FBXO34: variants seen among roughly 807,000 people sequenced by gnomAD.
The protein encoded by FBXO34 is F-box only protein 34.
A neutral mutation model predicts 24.5 loss-of-function variants in FBXO34; 12 were observed. The observed-to-expected ratio is 0.49, with a 90% confidence interval of 0.31 to 0.79. The LOEUF is 0.79. Among genes scored for constraint, FBXO34 ranks in the 30% least tolerant of loss-of-function variants. The probability of loss-of-function intolerance (pLI) is 0.04; values close to 1 mark genes in which losing one functional copy is unlikely to be tolerated. For missense variants in FBXO34, 823 were observed against 857.7 expected, an observed-to-expected ratio of 0.96 and a Z score of 0.51; for synonymous variants, 320 against 311.9, an observed-to-expected ratio of 1.03 and a Z score of -0.27.
chr14:55,434,215 A>C, the FBXO34 span, among the ~76,000 whole-genome samples: 135 of 152,348 alleles, frequency 8.9e-4, no homozygotes, highest in Non-Finnish European at 1.2e-3. Context: ...AATGCAGAAG[A>C]GTCTGTATGA....
At chr14:55,284,877 A>G (rs1881704755) in intron 1 of FBXO34, among the ~76,000 whole-genome samples, 1 of 149,770 alleles carries the variant, frequency 6.7e-6, no homozygotes, top group Non-Finnish European at 1.5e-5. Context: ...CAGCCTCCCA[A>G]AATGCTGTGA....
At chr14:55,421,675 C>T in the FBXO34 span, among the ~76,000 whole-genome samples, 1 of 152,154 alleles carries the variant, frequency 6.6e-6, no homozygotes, top group African/African-American at 2.4e-5. Flanking sequence ...GTTGGCAAGG[C>T]TGGTCTTGAA....
chr14:55,288,634 T>G (rs1361409879), intron 1 of FBXO34, among the ~76,000 whole-genome samples: 1 of 152,252 alleles, frequency 6.6e-6, no homozygotes, highest in African/African-American at 2.4e-5. Flanking sequence ...ACTGTACTCC[T>G]CTAGCAAGAA....
At chr14:55,385,921 T>A in the FBXO34 span, 2 of 1,614,198 alleles carry the variant, frequency 1.2e-6, no homozygotes, top group Admixed American at 3.3e-5. Flanking sequence ...ATATATGGGA[T>A]CGTCGAAGAT....
the FBXO34 span, chr14:55,440,555 T>TG: frequency 2.8e-5 from 45 of 1,583,302 alleles, no homozygotes; most frequent in East Asian, 4.7e-4. Context: ...TTTATGAGCC[T>TG]GGGGGCAGCG....
the FBXO34 span, among the ~76,000 whole-genome samples, chr14:55,401,788 G>C: frequency 6.6e-6 from 1 of 152,126 alleles, no homozygotes; most frequent in Admixed American, 6.6e-5. Flanking sequence ...ACCCAGCTCG[G>C]GCTTCAGAGG....
intron 1 of FBXO34, among the ~76,000 whole-genome samples, chr14:55,327,429 G>T (rs1034062092): frequency 1.3e-5 from 2 of 152,206 alleles, no homozygotes; most frequent in African/African-American, 4.8e-5. Context: ...CAAAGTGCAG[G>T]TGAGAAATGG....
At chr14:55,322,586 T>C (rs1883177893) in intron 1 of FBXO34, among the ~76,000 whole-genome samples, 1 of 152,122 alleles carries the variant, frequency 6.6e-6, no homozygotes, top group African/African-American at 2.4e-5. Flanking sequence ...TCCTCTCACC[T>C]GGGCTTCCCA....
intron 1 of FBXO34, among the ~76,000 whole-genome samples, chr14:55,277,318 T>TTTTTG (rs536204459): frequency 1.3e-5 from 2 of 152,096 alleles, no homozygotes; most frequent in Non-Finnish European, 2.9e-5. Context: ...ATGATTTAAT[T>TTTTTG]TTTTGTTTTG....
the FBXO34 span, among the ~76,000 whole-genome samples, chr14:55,439,605 G>GAA: frequency 1.5e-5 from 1 of 66,110 alleles, no homozygotes; most frequent in Non-Finnish European, 2.8e-5. Flanking sequence ...AGCCTGGGGA[G>GAA]AAAAGCAAAC....
chr14:55,271,711 G>A (rs1422843102), intron 1 of FBXO34, among the ~76,000 whole-genome samples, 174 bp downstream of exon 1: 2 of 150,912 alleles, frequency 1.3e-5, no homozygotes, highest in East Asian at 3.9e-4. Flanking sequence ...GGACCCGGCC[G>A]CCTGCGCCTC....
At chr14:55,427,671 T>C in the FBXO34 span, among the ~76,000 whole-genome samples, 1 of 152,072 alleles carries the variant, frequency 6.6e-6, no homozygotes, top group Non-Finnish European at 1.5e-5. Context: ...CCTCCATCCC[T>C]GCTCTCTGAG....
In FBXO34 at chr14:55,353,292, TGTCTA is replaced by T. The variant is rs769844473; in HGVS notation, c.*771_*775del. On this transcript the variant is annotated 3_prime_UTR_variant, in exon 2 of 2. Coordinates refer to ENST00000313833, the MANE Select transcript of FBXO34 (RefSeq NM_017943.4). ...TAATTTTGTGTTTTTTTTTTTTAAT[TGTCTA>T]GTCTTAAATTTGTACATCTTGTATA... is the stretch of plus-strand genomic sequence containing the variant. The T allele has an allele frequency of 4.2e-5, 7 of 166,794 alleles. No individual in the cohort carries two copies. Among genetic ancestry groups the T allele is most frequent in the African/African-American group, 9.7e-5 (4 of 41,376 alleles). 10.3% of individuals were successfully genotyped at this position (166,794 alleles called of 1,614,324 possible).
intron 1 of FBXO34, among the ~76,000 whole-genome samples, chr14:55,283,657 C>T (rs985972170): frequency 4.6e-5 from 7 of 151,940 alleles, no homozygotes; most frequent in African/African-American, 1.5e-4. Context: ...GATGGGGTTT[C>T]ACCATGTTGG....
chr14:55,351,460 G>A lies in FBXO34; in HGVS notation c.1070G>A (p.Arg357His), dbSNP rs1317415064. 17 of 1,614,062 alleles carry A rather than the reference G, an allele frequency of 1.1e-5. No individual in the cohort carries two copies. Among genetic ancestry groups the A allele is most frequent in the African/African-American group, 6.7e-5 (5 of 74,912 alleles). ...GATTGTGGCCCTTCAAGAGCTGATC[G>A]TTGTTCTCCTAAGGAGGACCAGGCC... Reference protein sequence around the residue: ...SVDCGPSRADRCSPKEDQAWD... With the variant: ...SVDCGPSRADHCSPKEDQAWD... Residue 357 changes from arginine (R) to histidine (H), a missense_variant, in exon 2 of 2, where the codon CGT (arginine) becomes CAT (histidine). By Grantham distance (29) the Arg-to-His change is conservative. Transcript: ENST00000313833.
At chr14:55,299,446 G>T (rs66464079) in intron 1 of FBXO34, among the ~76,000 whole-genome samples, 42,584 of 148,054 alleles carry the variant, frequency 0.29, 6,658 homozygotes, top group Non-Finnish European at 0.33. Context: ...AGAAGTGCCT[G>T]CTGTTTATAA....
At chr14:55,329,603 G>C (rs977659286) in intron 1 of FBXO34, among the ~76,000 whole-genome samples, 1 of 152,138 alleles carries the variant, frequency 6.6e-6, no homozygotes, top group Non-Finnish European at 1.5e-5. Flanking sequence ...ATCTGAGTTT[G>C]TTTCTGAGAT....
chr14:55,351,517 T>C lies in FBXO34; in HGVS notation c.1127T>C (p.Leu376Ser). The change falls in exon 2 of 2, where the codon TTG becomes TCG. Residue 376 changes from leucine to serine, a missense_variant. By Grantham distance (145) the Leu-to-Ser change is moderately radical (BLOSUM62 -2). This residue lies in a region of FBXO34 where 693 missense variants were observed against 659.1 expected (regional missense o/e 1.05). Transcript: ENST00000313833. The stretch of plus-strand genomic sequence containing the variant: ...GGTGCTTCTCAGGACTGCCCCCCAT[T>C]GCCAGCAGGAGTGAGTTTCCACATA... ...WDGASQDCPP[L>S]PAGVSFHIDS... 5.0e-6 allele frequency: 8 copies of C among 1,614,080 alleles called. No homozygotes were observed. The South Asian group carries it at 8.8e-5, about 18-fold the overall frequency.
At chr14:55,423,411 TATC>T in the FBXO34 span, among the ~76,000 whole-genome samples, 2,483 of 152,356 alleles carry the variant, frequency 0.016, 74 homozygotes, top group African/African-American at 0.057. Flanking sequence ...TCCACACTAA[TATC>T]ATAATTGTCT....
Sources: gnomAD v4.1 joint callset for allele counts (sites outside exome capture counted in the v4.1 genomes callset) on GRCh38, gnomAD v4.1.1 for gene constraint, gnomAD v4.1.1 regional missense constraint, MANE v1.5 for transcripts, NCBI Gene and HGNC (gene_info 2026-07-23, HGNC 2026-07-21) for gene names.